The following IL1RAPL2 variants were observed in gnomAD, a reference collection of about 807,000 sequenced individuals.
IL1RAPL2 encodes X-linked interleukin-1 receptor accessory protein-like 2.
In IL1RAPL2, 3 loss-of-function variants were observed where a neutral mutation model predicts 44.1. That is an observed-to-expected ratio of 0.07 (90% CI 0.03 to 0.18). IL1RAPL2 has a LOEUF of 0.18. Among genes scored for constraint, IL1RAPL2 ranks in the 10% least tolerant of loss-of-function variants. IL1RAPL2 has a pLI of 1.00. For missense variants in IL1RAPL2, 391 were observed against 496.4 expected, an observed-to-expected ratio of 0.79 and a Z score of 2.02; for synonymous variants, 181 against 178.8, an observed-to-expected ratio of 1.01 and a Z score of -0.10.
At chrX:105,087,101 C>G (rs942041621) in intron 2 of IL1RAPL2, among the ~76,000 whole-genome samples, 2 of 110,967 alleles carry the variant, frequency 1.8e-5, no homozygotes, top group African/African-American at 3.3e-5. Flanking sequence ...CCAGAAAGTA[C>G]CCCCCTGAGT....
intron 1 of IL1RAPL2, among the ~76,000 whole-genome samples, chrX:104,582,760 CTTTCTTT>C (rs1928413417): frequency 1.1e-5 from 1 of 88,899 alleles, no homozygotes; most frequent in African/African-American, 4.3e-5. Context: ...TTCTTTCTTT[CTTTCTTT>C]TTTCTTTCTC....
At position 105,089,735 on chromosome X, in the gene IL1RAPL2, T is replaced by C. The variant is rs759469604; in HGVS notation, c.83-105740T>C. Among the ~76,000 whole-genome samples, 9 of 111,932 alleles carry C rather than the reference T, an allele frequency of 8.0e-5. No homozygotes were observed. In the South Asian group the frequency reaches 3.4e-3, roughly 42 times the overall value. On this transcript the variant is annotated intron_variant, in intron 2 of 10. Transcript: ENST00000372582. Reference sequence around the variant, plus strand: ...CACTCTGCAAGCATTTTACATCCAGTACTTCATTTAATCCTCACTTTTACA... The same window carrying C: ...CACTCTGCAAGCATTTTACATCCAGCACTTCATTTAATCCTCACTTTTACA...
chrX:105,301,670 C>T (rs1380242816), intron 5 of IL1RAPL2, among the ~76,000 whole-genome samples: 1 of 111,652 alleles, frequency 9.0e-6, no homozygotes, highest in Non-Finnish European at 1.9e-5. Flanking sequence ...GATGACCTCC[C>T]GTTCCATCCA....
chrX:104,881,781 G>A (rs1923077880), intron 2 of IL1RAPL2, among the ~76,000 whole-genome samples: 2 of 111,598 alleles, frequency 1.8e-5, no homozygotes, highest in African/African-American at 6.5e-5. Flanking sequence ...TCCCATGTGA[G>A]GATATTGGAA....
At chrX:105,127,119 C>T (rs1417915033) in intron 2 of IL1RAPL2, among the ~76,000 whole-genome samples, 3 of 111,239 alleles carry the variant, frequency 2.7e-5, no homozygotes, top group Non-Finnish European at 5.7e-5. Context: ...ATAGAGACTC[C>T]TAAAAGAGCA....
intron 6 of IL1RAPL2, among the ~76,000 whole-genome samples, chrX:105,679,983 G>T (rs2037909410): frequency 9.0e-6 from 1 of 111,093 alleles, no homozygotes; most frequent in Non-Finnish European, 1.9e-5. Context: ...ATCTACAAAT[G>T]TGGGTGAATT....
At chrX:105,270,578 G>C (rs771250509) in intron 5 of IL1RAPL2, among the ~76,000 whole-genome samples, 26 of 111,986 alleles carry the variant, frequency 2.3e-4, no homozygotes, top group Non-Finnish European at 4.9e-4. Flanking sequence ...ATATAAGAAA[G>C]TATCATATTT....
At chrX:105,116,780 T>G (rs1440500756) in intron 2 of IL1RAPL2, among the ~76,000 whole-genome samples, 1 of 112,825 alleles carries the variant, frequency 8.9e-6, no homozygotes, top group Non-Finnish European at 1.9e-5. Flanking sequence ...GAAATTAGAC[T>G]TGTAGAGACA....
intron 5 of IL1RAPL2, among the ~76,000 whole-genome samples, chrX:105,392,748 T>C (rs1044438080): frequency 8.9e-6 from 1 of 112,179 alleles, no homozygotes; most frequent in African/African-American, 3.2e-5. Context: ...GAGATATATG[T>C]ATAAATTTAG....
chrX:105,196,304 G>A (rs936326285), intron 3 of IL1RAPL2, among the ~76,000 whole-genome samples: 40 of 110,506 alleles, frequency 3.6e-4, no homozygotes, highest in African/African-American at 1.2e-3. Flanking sequence ...AAGAAAATAA[G>A]AAAATTTTCT....
Position 105,484,335 on chromosome X carries a change from C to T in IL1RAPL2, c.720C>T (p.Pro240=). The T allele has an allele frequency of 8.3e-7, 1 of 1,206,545 alleles. No homozygotes were observed. Among genetic ancestry groups the T allele is most frequent in the Non-Finnish European group, 1.1e-6 (1 of 890,862 alleles). Residue 240 remains proline, a synonymous_variant, in exon 6 of 11, where the codon CCC becomes CCT. Transcript: ENST00000372582. ...TAGCTTTACTCACAGACAAGCCTCC[C>T]AAGCCATTGTTCCCCATGGAGAATC... ...KVTALLTDKP[P]KPLFPMENQP... is the part of the protein sequence containing the mutation.
At chrX:104,632,375 G>A (rs763239541) in intron 1 of IL1RAPL2, among the ~76,000 whole-genome samples, 12 of 111,612 alleles carry the variant, frequency 1.1e-4, no homozygotes, top group Admixed American at 1.9e-4. Context: ...CCAATTCTGC[G>A]AAGAAAGTCA....
intron 2 of IL1RAPL2, among the ~76,000 whole-genome samples, chrX:105,098,619 G>T (rs1339850667): frequency 1.8e-5 from 2 of 112,180 alleles, no homozygotes; most frequent in Non-Finnish European, 3.8e-5. Context: ...TTCATACTTT[G>T]TATGAAAGGA....
chrX:105,474,135 C>T lies in IL1RAPL2; in HGVS notation c.698-10178C>T, dbSNP rs966307200. ...GTAAGCTCAATGAAATCACAGGTTT[C>T]CTTAAAAATAGAAGAGGTAGGTAGA... is the stretch of plus-strand genomic sequence containing the variant. On this transcript the variant is annotated intron_variant, in intron 5 of 10. Coordinates refer to ENST00000372582, the MANE Select transcript of IL1RAPL2 (RefSeq NM_017416.2). Among the ~76,000 whole-genome samples the T allele has an allele frequency of 3.6e-5, 4 of 111,201 alleles. No individual in the cohort carries two copies. In the Admixed American group the frequency reaches 3.8e-4, roughly 11 times the overall value.
At chrX:105,351,076 C>G (rs1380070231) in intron 5 of IL1RAPL2, among the ~76,000 whole-genome samples, 2 of 111,687 alleles carry the variant, frequency 1.8e-5, no homozygotes, top group East Asian at 5.6e-4. Flanking sequence ...AAATGAGATA[C>G]CATCCCACGC....
intron 4 of IL1RAPL2, among the ~76,000 whole-genome samples, chrX:105,266,526 G>T (rs2147655676): frequency 8.9e-6 from 1 of 111,807 alleles, no homozygotes; most frequent in East Asian, 2.8e-4. Flanking sequence ...ATAATTGCCT[G>T]AATATTCTTA....
chrX:104,599,666 AC>A (rs1928837250), intron 1 of IL1RAPL2, among the ~76,000 whole-genome samples: 1 of 107,604 alleles, frequency 9.3e-6, no homozygotes, highest in Non-Finnish European at 1.9e-5. Flanking sequence ...ACACACACAC[AC>A]ACACACACAC....
intron 5 of IL1RAPL2, among the ~76,000 whole-genome samples, chrX:105,337,663 G>T (rs915020620): frequency 9.0e-6 from 1 of 111,534 alleles, no homozygotes; most frequent in Non-Finnish European, 1.9e-5. Context: ...AGGCTGAGGC[G>T]GGCGGATCAC....
intron 2 of IL1RAPL2, among the ~76,000 whole-genome samples, chrX:104,755,156 C>T (rs917403167): frequency 6.3e-5 from 7 of 111,413 alleles, no homozygotes; most frequent in Non-Finnish European, 9.5e-5. Flanking sequence ...ATCATACTCA[C>T]GGTATCTTGT....
Sources: gnomAD v4.1 joint callset for allele counts (sites outside exome capture counted in the v4.1 genomes callset) on GRCh38, gnomAD v4.1.1 for gene constraint, MANE v1.5 for transcripts, NCBI Gene and HGNC (gene_info 2026-07-23, HGNC 2026-07-21) for gene names.